TPM4: variants seen among roughly 807,000 people sequenced by gnomAD.
TPM4 encodes the protein tropomyosin 4, also known as tropomyosin alpha-4 chain.
TPM4 carries 17 observed loss-of-function variants against 35.8 expected under a neutral mutation model. That is an observed-to-expected ratio of 0.47 (90% CI 0.32 to 0.71). The LOEUF (loss-of-function observed/expected upper bound fraction) is 0.71, where lower values mean the gene tolerates loss of function less well. TPM4 is among the 30% of genes least tolerant of loss of function. The pLI is 0.03. For missense variants in TPM4, 240 were observed against 320.9 expected (o/e 0.75, Z 1.93); for synonymous variants, 120 against 122.9 (o/e 0.98, Z 0.15).
chr19:16,087,299 G>A (rs1375162495), intron 3 of TPM4, among the ~76,000 whole-genome samples: 1 of 151,988 alleles, frequency 6.6e-6, no homozygotes, highest in Non-Finnish European at 1.5e-5. Flanking sequence ...TAAAAGGGCT[G>A]GGCATGGTGG....
At chr19:16,076,193 G>A (rs767973707), upstream of TPM4, 806 of 1,552,586 alleles carry the variant, frequency 5.2e-4, no homozygotes, top group Non-Finnish European at 6.6e-4. Context: ...AGGGATGCGG[G>A]AGCCCGCGGC....
chr19:16,097,854 C>G (rs894043227), intron 7 of TPM4, among the ~76,000 whole-genome samples: 3 of 152,076 alleles, frequency 2.0e-5, no homozygotes, highest in African/African-American at 7.2e-5. Flanking sequence ...CTCTATTCAT[C>G]CATTCCTCCA....
At chr19:16,077,405 C>T (rs886346807) in intron 1 of TPM4, 5 of 152,224 alleles carry the variant, frequency 3.3e-5, no homozygotes, top group African/African-American at 9.6e-5. Context: ...TGGCGCGGGG[C>T]CCTGAACCCA....
intron 7 of TPM4, chr19:16,099,974 A>G (rs2090746269): frequency 6.6e-6 from 1 of 152,244 alleles, no homozygotes; most frequent in South Asian, 2.1e-4. Flanking sequence ...TCCGAAGGAA[A>G]GATGGGTTAC....
Position 16,101,373 on chromosome 19 carries a change from A to G in TPM4, c.*27A>G, listed in dbSNP as rs774766759. On this transcript the variant is annotated 3_prime_UTR_variant, in exon 8 of 8. Coordinates refer to ENST00000643579, the MANE Select transcript of TPM4 (RefSeq NM_003290.3). Reference sequence around the variant, plus strand: ...CAAAACAGAAGAGTCTTGTTCCAACAGAAACTCTGGAGCTCCGTGGGTCTT... The same window carrying G: ...CAAAACAGAAGAGTCTTGTTCCAACGGAAACTCTGGAGCTCCGTGGGTCTT... The G allele has an allele frequency of 3.9e-6, 6 of 1,538,770 alleles. No homozygotes were observed. Among genetic ancestry groups the G allele is most frequent in the Non-Finnish European group, 4.4e-6 (5 of 1,139,284 alleles).
chr19:16,076,681 G>A lies in TPM4; in HGVS notation c.116G>A (p.Arg39His). Residue 39 changes from arginine to histidine, a missense_variant, in exon 1 of 8, where the codon CGC becomes CAC. By Grantham distance (29) the Arg-to-His change is conservative. Transcript: ENST00000643579. ...QGLQRELDGE[R>H]ERREKAEGDV... ...CTGCAGCGGGAGCTGGACGGCGAGC[G>A]CGAGCGGCGCGAGAAAGTGAGCGCC... 7.3e-7 allele frequency: 1 copy of A among 1,367,054 alleles called. No individual in the cohort carries two copies. Among genetic ancestry groups the A allele is most frequent in the South Asian group, 1.6e-5 (1 of 62,526 alleles). 84.7% of individuals were successfully genotyped at this position (1,367,054 alleles called of 1,614,324 possible). A position where few individuals can be genotyped will look rare whatever the true frequency, so the allele number is the denominator to read the frequency against.
intron 7 of TPM4, among the ~76,000 whole-genome samples, chr19:16,096,462 C>A (rs2090698568): frequency 1.3e-5 from 2 of 152,232 alleles, no homozygotes; most frequent in Non-Finnish European, 2.9e-5. Context: ...TTGGAAAAAC[C>A]AGCAAGCCTG....
At chr19:16,073,449 A>T (rs1052280144), upstream of TPM4, among the ~76,000 whole-genome samples, 1 of 152,236 alleles carries the variant, frequency 6.6e-6, no homozygotes, top group African/African-American at 2.4e-5. Context: ...CGGAATGCTC[A>T]GAGACCAGCA....
chr19:16,078,027 C>G, intron 1 of TPM4: 1 of 396,062 alleles, frequency 2.5e-6, no homozygotes. Context: ...CCCACCTTGG[C>G]CTCCCAAAGT....
intron 7 of TPM4, among the ~76,000 whole-genome samples, chr19:16,098,863 CT>C (rs2090732347): frequency 6.6e-6 from 1 of 152,112 alleles, no homozygotes; most frequent in African/African-American, 2.4e-5. Context: ...CCTAGCTCTA[CT>C]ACTTTAACCA....
At chr19:16,069,455 TG>T (rs1166324216) in intron 2 of TPM4, among the ~76,000 whole-genome samples, 489 of 8,766 alleles carry the variant, frequency 0.056, 2 homozygotes, top group African/African-American at 0.13. Flanking sequence ...GTGTTTCTAT[TG>T]GTGTGTGAAT....
rs147192859 is a variant in TPM4, at chr19:16,102,936, C to A, written c.*1590C>A. 1,599 of 209,188 alleles carry A rather than the reference C, an allele frequency of 7.6e-3. 74 individuals are homozygous for A. In the Admixed American group the frequency reaches 0.083, roughly 11 times the overall value. 13.0% of individuals were successfully genotyped at this position (209,188 alleles called of 1,614,324 possible). A position where few individuals can be genotyped will look rare whatever the true frequency, so the allele number is the denominator to read the frequency against. On this transcript the variant is annotated 3_prime_UTR_variant, in exon 8 of 8. Transcript: ENST00000643579. ...ATAAAATCCACACTTTAGATTCTTGCAACTGTATCATATGTAATAGTATCA... is the reference window on the plus strand; with the variant it reads ...ATAAAATCCACACTTTAGATTCTTGAAACTGTATCATATGTAATAGTATCA...
chr19:16,088,902 A>G, intron 4 of TPM4, 143 bp from the exon 5 acceptor site: 2 of 1,469,676 alleles, frequency 1.4e-6, no homozygotes, highest in Non-Finnish European at 1.8e-6. Context: ...AAAATCCATT[A>G]ACATTTTCTC....
In TPM4 at chr19:16,088,055, G is replaced by A; in HGVS notation, c.413G>A (p.Gly138Asp). 1.9e-6 allele frequency: 3 copies of A among 1,612,734 alleles called. No individual in the cohort carries two copies. The highest frequency in any genetic ancestry group is 2.5e-6 in the Non-Finnish European group (3 of 1,179,656). Residue 138 changes from glycine (G) to aspartate (D), a missense_variant, in exon 4 of 8, where the codon GGT (glycine) becomes GAT (aspartate). By Grantham distance (94) the Gly-to-Asp change is moderately conservative. Transcript: ENST00000643579. ...GCTCGTAAGCTGGTCATCCTGGAGGGTGAGCTGGAGAGGGCAGAGGAGCGT... is the reference window on the plus strand; with the variant it reads ...GCTCGTAAGCTGGTCATCCTGGAGGATGAGCTGGAGAGGGCAGAGGAGCGT... Reference protein sequence around the residue: ...EVARKLVILEGELERAEERAE... With the variant: ...EVARKLVILEDELERAEERAE...
At position 16,068,074 on chromosome 19, in the gene TPM4, T is replaced by G. The variant is rs537988905; in HGVS notation, c.114+336T>G. The stretch of plus-strand genomic sequence containing the variant: ...CTAGATAGGGCGGTTGGGGACATGC[T>G]GTGTGTGTGTATTTGCGTGTGTTTG... On this transcript the variant is annotated intron_variant, in intron 2 of 2. Transcript: ENST00000589897. 149 of 377,156 alleles carry G rather than the reference T, an allele frequency of 4.0e-4. No individual in the cohort carries two copies. The South Asian group carries it at 4.7e-3, about 12-fold the overall frequency. 23.4% of individuals were successfully genotyped at this position (377,156 alleles called of 1,614,324 possible).
chr19:16,092,186 A>G lies in TPM4; in HGVS notation c.532-1350A>G, dbSNP rs974557370. ...GAGCAAGATTCTGTCTGAAAAAAAAAAAAAAGAAAAGAAAAGTATAATTTC... is the reference window on the plus strand; with the variant it reads ...GAGCAAGATTCTGTCTGAAAAAAAAGAAAAAGAAAAGAAAAGTATAATTTC... On this transcript the variant is annotated intron_variant, in intron 5 of 7. Transcript: ENST00000643579. 3.9e-5 allele frequency among the ~76,000 whole-genome samples: 6 copies of G among 152,056 alleles called. No individual in the cohort carries two copies. In the South Asian group the frequency reaches 6.2e-4, roughly 16 times the overall value.
At chr19:16,091,940 C>T (rs1487251755) in intron 5 of TPM4, among the ~76,000 whole-genome samples, 5 of 151,864 alleles carry the variant, frequency 3.3e-5, no homozygotes, top group East Asian at 3.9e-4. Flanking sequence ...CCGAGGCAGG[C>T]GGATCACCTG....
chr19:16,075,444 C>T (rs2090394270), upstream of TPM4: 1 of 152,226 alleles, frequency 6.6e-6, no homozygotes, highest in Non-Finnish European at 1.5e-5. Context: ...CGAGTCTCTT[C>T]TAGCCAAGCT....
chr19:16,084,692 C>A (rs1215330472), intron 2 of TPM4, among the ~76,000 whole-genome samples: 6 of 152,150 alleles, frequency 3.9e-5, no homozygotes, highest in African/African-American at 9.7e-5. Flanking sequence ...TTCTATGGAG[C>A]CTTAGGCAAG....
Sources: allele counts gnomAD v4.1 joint callset (sites outside exome capture counted in the v4.1 genomes callset), GRCh38; gene constraint gnomAD v4.1.1; transcripts MANE v1.5; gene names NCBI Gene and HGNC (gene_info 2026-07-23, HGNC 2026-07-21).